The following HEMK2 variants were observed in gnomAD, a reference collection of about 807,000 sequenced individuals.
HEMK2 encodes the protein methyltransferase HEMK2.
the HEMK2 span, among the ~76,000 whole-genome samples, chr21:28,708,190 A>G: frequency 1.3e-5 from 2 of 149,930 alleles, no homozygotes; most frequent in Admixed American, 1.3e-4. Flanking sequence ...CAATGTTTTT[A>G]TGGTTTAAAT....
At chr21:28,588,095 A>G in the HEMK2 span, among the ~76,000 whole-genome samples, 6 of 152,236 alleles carry the variant, frequency 3.9e-5, no homozygotes, top group East Asian at 1.2e-3. Flanking sequence ...ACATTCATAG[A>G]TTTCAAAAGA....
At chr21:28,841,340 T>A in the HEMK2 span, among the ~76,000 whole-genome samples, 2 of 16,438 alleles carry the variant, frequency 1.2e-4, no homozygotes, top group Non-Finnish European at 1.6e-4. Context: ...TAAATATATA[T>A]TATATATATA....
chr21:28,633,838 A>G, the HEMK2 span, among the ~76,000 whole-genome samples: 3 of 152,172 alleles, frequency 2.0e-5, no homozygotes, highest in African/African-American at 4.8e-5. Flanking sequence ...AAGTTCAGCA[A>G]CTTCTCCTTC....
chr21:28,792,901 T>G, the HEMK2 span, among the ~76,000 whole-genome samples: 1 of 152,112 alleles, frequency 6.6e-6, no homozygotes, highest in Non-Finnish European at 1.5e-5. Flanking sequence ...CATCAGTATC[T>G]TCTAAAGCTC....
At chr21:28,882,953 G>T in the HEMK2 span, 1 of 1,376,202 alleles carries the variant, frequency 7.3e-7, no homozygotes, top group Non-Finnish European at 1.0e-6. Context: ...TAACCTGTCA[G>T]TGGAAGATCT....
At chr21:28,857,663 A>T in the HEMK2 span, among the ~76,000 whole-genome samples, 1 of 152,166 alleles carries the variant, frequency 6.6e-6, no homozygotes, top group Non-Finnish European at 1.5e-5. Context: ...CCTTACATTT[A>T]ACCTTGTCTG....
At chr21:28,620,766 C>T in the HEMK2 span, among the ~76,000 whole-genome samples, 2 of 146,358 alleles carry the variant, frequency 1.4e-5, no homozygotes, top group East Asian at 2.0e-4. Flanking sequence ...CTCCACCTCC[C>T]GTGTGCAAGA....
At chr21:28,585,717 A>G in the HEMK2 span, among the ~76,000 whole-genome samples, 1 of 152,222 alleles carries the variant, frequency 6.6e-6, no homozygotes, top group South Asian at 2.1e-4. Flanking sequence ...TGGAGGAAAG[A>G]GTAAGAAAGC....
chr21:28,678,412 G>A, the HEMK2 span, among the ~76,000 whole-genome samples: 4 of 152,276 alleles, frequency 2.6e-5, no homozygotes, highest in Admixed American at 1.3e-4. Context: ...CCAAATCTAC[G>A]TCTGATTGGT....
chr21:28,869,428 T>C, the HEMK2 span, among the ~76,000 whole-genome samples: 16 of 152,208 alleles, frequency 1.1e-4, no homozygotes, highest in South Asian at 6.2e-4. Flanking sequence ...TCCTTTCTTA[T>C]ATAACCCTTA....
At chr21:28,777,317 C>T in the HEMK2 span, among the ~76,000 whole-genome samples, 4 of 152,200 alleles carry the variant, frequency 2.6e-5, no homozygotes, top group Admixed American at 2.0e-4. Context: ...CAGCCAACAA[C>T]TGCAGACACA....
At chr21:28,623,789 C>T in the HEMK2 span, among the ~76,000 whole-genome samples, 1 of 152,092 alleles carries the variant, frequency 6.6e-6, no homozygotes, top group Non-Finnish European at 1.5e-5. Flanking sequence ...ACAGTGAGAA[C>T]ACATGGACAC....
chr21:28,789,543 G>GT, the HEMK2 span, among the ~76,000 whole-genome samples: 1 of 152,160 alleles, frequency 6.6e-6, no homozygotes, highest in Non-Finnish European at 1.5e-5. Flanking sequence ...GTGCATTTCA[G>GT]TAAAATCTAC....
the HEMK2 span, among the ~76,000 whole-genome samples, chr21:28,651,771 G>T: frequency 2.6e-5 from 4 of 152,126 alleles, no homozygotes; most frequent in Non-Finnish European, 4.4e-5. Flanking sequence ...AATAAAGTCT[G>T]CCATGTTATT....
chr21:28,779,712 A>G, the HEMK2 span, among the ~76,000 whole-genome samples: 19,607 of 152,042 alleles, frequency 0.13, 2,251 homozygotes, highest in African/African-American at 0.3. Flanking sequence ...GATCTTTTCT[A>G]TCATCTCTCT....
the HEMK2 span, among the ~76,000 whole-genome samples, chr21:28,652,048 A>AT: frequency 1.3e-5 from 2 of 152,180 alleles, no homozygotes; most frequent in Non-Finnish European, 2.9e-5. Context: ...GCTTCATTAC[A>AT]TTTTTTCCTA....
At chr21:28,614,361 C>T in the HEMK2 span, among the ~76,000 whole-genome samples, 1 of 151,188 alleles carries the variant, frequency 6.6e-6, no homozygotes, top group Non-Finnish European at 1.5e-5. Flanking sequence ...CACTATGGAG[C>T]ATAATGTTAG....
the HEMK2 span, among the ~76,000 whole-genome samples, chr21:28,837,230 C>T: frequency 6.6e-6 from 1 of 152,182 alleles, no homozygotes; most frequent in South Asian, 2.1e-4. Flanking sequence ...CATCCAACAA[C>T]TGCAGAATAC....
At chr21:28,838,767 G>A in the HEMK2 span, among the ~76,000 whole-genome samples, 16 of 149,794 alleles carry the variant, frequency 1.1e-4, no homozygotes, top group East Asian at 3.9e-4. Context: ...TGGAGAAACC[G>A]TGTCTCTACT....
Sources: gnomAD v4.1 joint callset for allele counts (sites outside exome capture counted in the v4.1 genomes callset) on GRCh38, gnomAD v4.1.1 for gene constraint, MANE v1.5 for transcripts, NCBI Gene and HGNC (gene_info 2026-07-23, HGNC 2026-07-21) for gene names.